Variants in GMFG observed in about 807,000 individuals in gnomAD.
The protein encoded by GMFG is glia maturation factor gamma.
GMFG carries 21 observed loss-of-function variants against 26.1 expected under a neutral mutation model. The observed-to-expected ratio is 0.80, with a 90% CI of 0.57 to 1.16. GMFG has a LOEUF of 1.16. GMFG is among the 50% of genes most tolerant of loss of function. GMFG has a pLI of 0.00. For synonymous variants in GMFG, 65 were observed against 60.8 expected (o/e 1.07, Z -0.32); for missense variants, 161 against 178.3 (o/e 0.90, Z 0.55).
intron 3 of GMFG, among the ~76,000 whole-genome samples, chr19:39,334,598 T>C (rs2145057952): frequency 6.6e-6 from 1 of 152,158 alleles, no homozygotes; most frequent in Middle Eastern, 3.4e-3. Flanking sequence ...AACTCTTTCA[T>C]TTAAATGCCA....
At chr19:39,329,204 T>C (rs2075216280) in intron 5 of GMFG, 131 bp from the exon 6 acceptor site, 14 of 637,816 alleles carry the variant, frequency 2.2e-5, no homozygotes, top group Non-Finnish European at 3.9e-5. Context: ...CCCTGCACTG[T>C]ACTCAGTTTC....
Position 39,335,478 on chromosome 19 carries a change from C to A in GMFG, c.57G>T (p.Arg19Ser), listed in dbSNP as rs868855941. Residue 19 changes from arginine to serine, a missense_variant, in exon 2 of 7, where the codon AGG becomes AGT. Transcript: ENST00000597595. The stretch of plus-strand genomic sequence containing the variant: ...CTGTCTCTTTTCGGAAGCGGAATTT[C>A]CTCAGCTTTTCTGTTAGCTCTGGGT... ...EVDPELTEKLRKFRFRKETDN... is the reference protein window; with the variant it reads ...EVDPELTEKLSKFRFRKETDN... 6.2e-7 allele frequency: 1 copy of A among 1,613,854 alleles called. No individual in the cohort carries two copies. The highest frequency in any genetic ancestry group is 1.1e-5 in the South Asian group (1 of 91,086).
At chr19:39,329,131 C>G in intron 5 of GMFG, 58 bp from the exon 6 acceptor site, 1 of 1,221,974 alleles carries the variant, frequency 8.2e-7, no homozygotes, top group Non-Finnish European at 1.2e-6. Context: ...TTCTCTAAAG[C>G]TCTAGTAATG....
At chr19:39,332,339 A>C (rs901129366) in intron 4 of GMFG, among the ~76,000 whole-genome samples, 9 of 151,586 alleles carry the variant, frequency 5.9e-5, no homozygotes, top group South Asian at 2.1e-4. Flanking sequence ...CTAACAAAAA[A>C]AAAAAAAAAA....
At chr19:39,332,222 C>T (rs2075229238) in intron 4 of GMFG, among the ~76,000 whole-genome samples, 1 of 151,478 alleles carries the variant, frequency 6.6e-6, no homozygotes, top group African/African-American at 2.4e-5. Context: ...CCCAGCTACT[C>T]AGGAGGCTGA....
At chr19:39,331,306 G>T (rs2075225328) in intron 4 of GMFG, among the ~76,000 whole-genome samples, 1 of 152,188 alleles carries the variant, frequency 6.6e-6, no homozygotes, top group Non-Finnish European at 1.5e-5. Flanking sequence ...ACATTTGTGT[G>T]AAGTCCATTG....
chr19:39,334,833 GGTTTTTTGTTTTTTT>G (rs1220180788), intron 3 of GMFG, among the ~76,000 whole-genome samples: 1 of 151,968 alleles, frequency 6.6e-6, no homozygotes, highest in Non-Finnish European at 1.5e-5. Flanking sequence ...TGATCTCCAG[GGTTTTTTGTTTTTTT>G]GTTTTTTGTT....
At chr19:39,335,011 A>G (rs2075243261) in intron 3 of GMFG, among the ~76,000 whole-genome samples, 1 of 151,704 alleles carries the variant, frequency 6.6e-6, no homozygotes, top group Non-Finnish European at 1.5e-5. Flanking sequence ...CACCATGCCT[A>G]GCTAACTTTT....
At chr19:39,330,595 ATTTT>A (rs568367051) in intron 4 of GMFG, among the ~76,000 whole-genome samples, 4 of 131,424 alleles carry the variant, frequency 3.0e-5, no homozygotes, top group South Asian at 2.4e-4. Flanking sequence ...TGCCCAGCTA[ATTTT>A]TTTTTTTTTT....
rs1248054571 is a variant in GMFG at position 39,335,964 on chromosome 19, G to A, written c.3+10C>T. Reference sequence around the variant, plus strand: ...CCCCAGCTCTTCCCATAGAACCCCTGGCCCCTGACCATGATTGTTCTGTCC... The same window carrying A: ...CCCCAGCTCTTCCCATAGAACCCCTAGCCCCTGACCATGATTGTTCTGTCC... On this transcript the variant is annotated intron_variant, in intron 1 of 6. Transcript: ENST00000597595. 1 of 1,583,696 alleles carries A rather than the reference G, an allele frequency of 6.3e-7. No homozygotes were observed. The highest frequency in any genetic ancestry group is 1.3e-5 in the African/African-American group (1 of 74,334).
rs1715902643 is a variant in GMFG, at chr19:39,335,091, T to A, written c.150+170A>T. Among the ~76,000 whole-genome samples the A allele has an allele frequency of 2.0e-5, 3 of 152,280 alleles. No individual in the cohort carries two copies. In the South Asian group the frequency reaches 6.2e-4, roughly 32 times the overall value. On this transcript the variant is annotated intron_variant, in intron 3 of 6. Transcript: ENST00000597595. ...GTCTTGAACTCCCAACCTCAGGTGA[T>A]CCACCTGCCTCGGCCTCCCAAAGTG... is the stretch of plus-strand genomic sequence containing the variant.
At chr19:39,335,743 C>G (rs1490525178) in intron 1 of GMFG, among the ~76,000 whole-genome samples, 1 of 152,180 alleles carries the variant, frequency 6.6e-6, no homozygotes, top group South Asian at 2.1e-4. Context: ...GGGTTCCCGC[C>G]TTCTCCACGG....
At chr19:39,332,652 G>C (rs1206147577) in intron 4 of GMFG, among the ~76,000 whole-genome samples, 1 of 112,060 alleles carries the variant, frequency 8.9e-6, no homozygotes, top group Non-Finnish European at 1.7e-5. Flanking sequence ...CAAACACAGA[G>C]ATTCTTTTTT....
rs181597528 is a variant in GMFG at position 39,329,668 on chromosome 19, G to A, written c.201-42C>T. ...TTGAAAATCAGGACTCTGGCCTGCA[G>A]CCCAGGCTTAACAGCCATTACCTGA... On this transcript the variant is annotated intron_variant, in intron 4 of 6. Coordinates refer to ENST00000597595, the MANE Select transcript of GMFG (RefSeq NM_004877.4). 4,128 of 1,283,496 alleles carry A rather than the reference G, an allele frequency of 3.2e-3. 15 individuals carry two copies. The highest frequency in any genetic ancestry group is 3.7e-3 in the Non-Finnish European group (3,271 of 881,736). 79.5% of individuals were successfully genotyped at this position (1,283,496 alleles called of 1,614,324 possible).
intron 3 of GMFG, 95 bp from the exon 4 acceptor site, chr19:39,333,221 G>C (rs1485434758): frequency 1.7e-6 from 1 of 605,772 alleles, no homozygotes; most frequent in Non-Finnish European, 2.9e-6. Flanking sequence ...GAGGCAGGCG[G>C]ATCACAAGGT....
At chr19:39,334,328 T>C (rs2075240115) in intron 3 of GMFG, among the ~76,000 whole-genome samples, 1 of 152,092 alleles carries the variant, frequency 6.6e-6, no homozygotes, top group Non-Finnish European at 1.5e-5. Flanking sequence ...GATGGGGTCT[T>C]GCTTTGTTGC....
In GMFG at chr19:39,332,028, A is replaced by AT. The variant is rs775743093; in HGVS notation, c.200+1048dup. 5.4e-3 allele frequency among the ~76,000 whole-genome samples: 782 copies of AT among 143,760 alleles called. 7 individuals carry two copies. The highest frequency in any genetic ancestry group is 0.017 in the African/African-American group (677 of 39,490). The allele number at this position is 143,760 out of a possible 152,430, so 94.3% of individuals were successfully genotyped here. A position where few individuals can be genotyped will look rare whatever the true frequency, so the allele number is the denominator to read the frequency against. ...AGGCACATGCCACCATGCCTGGCTA[A>AT]TTTTTTTTTTTTTTAATAGAGACAA... On this transcript the variant is annotated intron_variant, in intron 4 of 6. Coordinates refer to ENST00000597595, the MANE Select transcript of GMFG (RefSeq NM_004877.4).
At chr19:39,332,099 T>C (rs1050021660) in intron 4 of GMFG, among the ~76,000 whole-genome samples, 2 of 151,660 alleles carry the variant, frequency 1.3e-5, no homozygotes, top group Admixed American at 1.3e-4. Flanking sequence ...TCCCAGCACT[T>C]TGGGAGGCCG....
rs529616042 is a variant in GMFG, at chr19:39,328,893, C to A, written c.357+107G>T. The A allele has an allele frequency of 6.5e-4, 563 of 862,186 alleles. 3 individuals carry two copies. The highest frequency in any genetic ancestry group is 4.3e-3 in the African/African-American group (241 of 55,780). The allele number at this position is 862,186 out of a possible 1,614,324, so 53.4% of individuals were successfully genotyped here. ...ACCCAGTTCTTTAAAAAAACAAAAA[C>A]AAAAACAAAAACCACTGAGACAGTG... On this transcript the variant is annotated intron_variant, in intron 6 of 6. Coordinates refer to ENST00000597595, the MANE Select transcript of GMFG (RefSeq NM_004877.4).
Sources: gnomAD v4.1 joint callset for allele counts (sites outside exome capture counted in the v4.1 genomes callset) on GRCh38, gnomAD v4.1.1 for gene constraint, MANE v1.5 for transcripts, NCBI Gene and HGNC (gene_info 2026-07-23, HGNC 2026-07-21) for gene names.